KDR: variants seen among roughly 807,000 people sequenced by gnomAD.
The protein encoded by KDR is vascular endothelial growth factor receptor 2.
A neutral mutation model predicts 160.9 loss-of-function variants in KDR; 43 were observed. That is an observed-to-expected ratio of 0.27 (90% CI 0.21 to 0.34). KDR has a LOEUF of 0.34. KDR is among the 10% of genes least tolerant of loss of function. The pLI is 1.00. For synonymous variants in KDR, 617 were observed against 600.1 expected, an observed-to-expected ratio of 1.03 and a Z score of -0.41; for missense variants, 1,469 against 1,666.4, an observed-to-expected ratio of 0.88 and a Z score of 2.06.
At position 55,110,785 on chromosome 4, in the gene KDR, A is replaced by T. The variant is rs777854364; in HGVS notation, c.977-17T>A. The T allele has an allele frequency of 6.3e-7, 1 of 1,584,738 alleles. No homozygotes were observed. The highest frequency in any genetic ancestry group is 8.6e-7 in the Non-Finnish European group (1 of 1,156,934). On this transcript the variant is annotated splice_polypyrimidine_tract_variant and intron_variant, in intron 7 of 29. Coordinates refer to ENST00000263923, the MANE Select transcript of KDR (RefSeq NM_002253.4). ...AAGGTTTTTCTGGAAGAAAATAAAA[A>T]AAAAAAAAGGTCAACTTACTGTAAA...
At position 55,082,572 on chromosome 4, in the gene KDR, G is replaced by T; in HGVS notation, c.3726C>A (p.Ile1242=). Residue 1242 remains isoleucine, a synonymous_variant, in exon 28 of 30, where the codon ATC becomes ATA. Coordinates refer to ENST00000263923, the MANE Select transcript of KDR (RefSeq NM_002253.4). ...RPVSVKTFED[I]PLEEPEVKVI... is the part of the protein sequence containing the mutation. The stretch of plus-strand genomic sequence containing the variant: ...CTTTTACTTCTGGTTCTTCTAACGG[G>T]ATATCTTCAAATGTTTTTACACTCA... 1 of 1,613,658 alleles carries T rather than the reference G, an allele frequency of 6.2e-7. No homozygotes were observed. The highest frequency in any genetic ancestry group is 8.5e-7 in the Non-Finnish European group (1 of 1,179,688).
chr4:55,078,609 T>G lies in KDR; in HGVS notation c.*1332A>C, dbSNP rs1236192768. 4.3e-6 allele frequency: 1 copy of G among 232,638 alleles called. No homozygotes were observed. The highest frequency in any genetic ancestry group is 2.2e-5 in the African/African-American group (1 of 45,324). The allele number at this position is 232,638 out of a possible 1,614,324, so 14.4% of individuals were successfully genotyped here. On this transcript the variant is annotated 3_prime_UTR_variant, in exon 30 of 30. Coordinates refer to ENST00000263923, the MANE Select transcript of KDR (RefSeq NM_002253.4). Reference sequence around the variant, plus strand: ...GTTCATTATATATAAGGCTTTAATATATTACATTTGTTTCTACATAAACAG... The same window carrying G: ...GTTCATTATATATAAGGCTTTAATAGATTACATTTGTTTCTACATAAACAG...
intron 20 of KDR, among the ~76,000 whole-genome samples, chr4:55,095,327 T>C (rs1232790889): frequency 6.6e-6 from 1 of 152,114 alleles, no homozygotes; most frequent in Non-Finnish European, 1.5e-5. Flanking sequence ...GCCCTCCCCT[T>C]TCCTCGCTCA....
intron 13 of KDR, among the ~76,000 whole-genome samples, chr4:55,102,932 T>C (rs754544599): frequency 6.6e-6 from 1 of 152,212 alleles, no homozygotes; most frequent in Non-Finnish European, 1.5e-5. Context: ...TTGGCAATTC[T>C]TATAAAACTT....
At chr4:55,094,144 G>A (rs943971943) in intron 21 of KDR, among the ~76,000 whole-genome samples, 2 of 152,104 alleles carry the variant, frequency 1.3e-5, no homozygotes, top group Admixed American at 1.3e-4. Flanking sequence ...AAAAGGCGAA[G>A]GTTTCAGTGA....
At chr4:55,102,614 T>G in intron 13 of KDR, 106 bp from the exon 14 acceptor site, 1 of 1,220,056 alleles carries the variant, frequency 8.2e-7, no homozygotes. Context: ...AAGGAACTTG[T>G]TGATATATTA....
chr4:55,092,831 A>G, intron 21 of KDR, 117 bp from the exon 22 acceptor site: 1 of 737,512 alleles, frequency 1.4e-6, no homozygotes, highest in Non-Finnish European at 2.4e-6. Flanking sequence ...TAGGAAATAG[A>G]AGCAGAGAGT....
chr4:55,113,321 G>A lies in KDR; in HGVS notation c.959C>T (p.Thr320Ile), dbSNP rs758670911. Residue 320 changes from threonine to isoleucine, a missense_variant, in exon 7 of 30, where the codon ACA becomes ATA. By Grantham distance (89) the Thr-to-Ile change is moderately conservative. Transcript: ENST00000263923. ...TAGCTTACCATGGACCCTGACAAAT[G>A]TGCTGTTCTTCTTGGTCATCAGCCC... ...SSGLMTKKNSTFVRVHEKPFV... is the reference protein window; with the variant it reads ...SSGLMTKKNSIFVRVHEKPFV... 1.4e-5 allele frequency: 22 copies of A among 1,613,898 alleles called. No individual in the cohort carries two copies. The East Asian group carries it at 4.5e-4, about 33-fold the overall frequency.
At chr4:55,118,013 A>T (rs377408098) in intron 3 of KDR, among the ~76,000 whole-genome samples, 30 of 152,338 alleles carry the variant, frequency 2.0e-4, no homozygotes, top group African/African-American at 7.0e-4. Flanking sequence ...AGAAAGATAC[A>T]GCATATCATC....
chr4:55,121,508 C>T (rs1244348922), intron 1 of KDR, among the ~76,000 whole-genome samples: 1 of 152,200 alleles, frequency 6.6e-6, no homozygotes, highest in Non-Finnish European at 1.5e-5. Context: ...GAACCTTCAT[C>T]TGATGATCTC....
rs757722266 is a variant in KDR, at chr4:55,089,799, G to A, written c.3196C>T (p.Arg1066Cys). ...DPDYVRKGDARLPLKWMAPET... is the reference protein window; with the variant it reads ...DPDYVRKGDACLPLKWMAPET... ...GGGGCCATCCATTTCAAAGGGAGGCGAGCCTACAGGGGTAGAAGACAAGGA... is the reference window on the plus strand; with the variant it reads ...GGGGCCATCCATTTCAAAGGGAGGCAAGCCTACAGGGGTAGAAGACAAGGA... Residue 1066 changes from arginine (R) to cysteine (C), a missense_variant, in exon 24 of 30, where the codon CGC (arginine) becomes TGC (cysteine). Coordinates refer to ENST00000263923, the MANE Select transcript of KDR (RefSeq NM_002253.4). 6 of 1,613,450 alleles carry A rather than the reference G, an allele frequency of 3.7e-6. No homozygotes were observed. The highest frequency in any genetic ancestry group is 2.2e-5 in the East Asian group (1 of 44,870).
chr4:55,105,966 G>A, intron 11 of KDR, 26 bp from the exon 12 acceptor site: 1 of 1,465,248 alleles, frequency 6.8e-7, no homozygotes, highest in Non-Finnish European at 9.6e-7. Flanking sequence ...ACAAATCCCA[G>A]GCCATAAACA....
intron 23 of KDR, 69 bp downstream of exon 23, chr4:55,089,887 C>T (rs2110011350): frequency 3.1e-6 from 5 of 1,606,380 alleles, no homozygotes; most frequent in Non-Finnish European, 4.3e-6. Flanking sequence ...AACACAGGTC[C>T]TGAAGCTCTC....
At chr4:55,088,998 A>G (rs1578127840) in intron 25 of KDR, 25 bp from the exon 26 acceptor site, 3 of 1,485,276 alleles carry the variant, frequency 2.0e-6, no homozygotes, top group Non-Finnish European at 2.8e-6. Context: ...CACTGATTTC[A>G]TTAAATGCCT....
At chr4:55,100,954 A>G (rs1165835293) in intron 15 of KDR, among the ~76,000 whole-genome samples, 1 of 152,154 alleles carries the variant, frequency 6.6e-6, no homozygotes, top group Admixed American at 6.5e-5. Context: ...TTCTGCCACA[A>G]ATTACTTTTC....
At position 55,095,643 on chromosome 4, in the gene KDR, T is replaced by C. The variant is rs1169737993; in HGVS notation, c.2751A>G (p.Glu917=). ...TGGACAGGTTTCCAAATTTGCAGAATTCCACAATCACCATGAGTGGCCCTG... is the reference window on the plus strand; with the variant it reads ...TGGACAGGTTTCCAAATTTGCAGAACTCCACAATCACCATGAGTGGCCCTG... ...KPGGPLMVIV[E]FCKFGNLSTY... is the part of the protein sequence containing the mutation. Residue 917 remains glutamate (E), a synonymous_variant, in exon 20 of 30, where the codon GAA becomes GAG. Coordinates refer to ENST00000263923, the MANE Select transcript of KDR (RefSeq NM_002253.4). 1 of 1,613,686 alleles carries C rather than the reference T, an allele frequency of 6.2e-7. No individual in the cohort carries two copies. The highest frequency in any genetic ancestry group is 1.7e-5 in the Admixed American group (1 of 59,998).
At chr4:55,094,771 G>A (rs762204621) in intron 21 of KDR, 31 bp downstream of exon 21, 1 of 1,604,242 alleles carries the variant, frequency 6.2e-7, no homozygotes, top group Non-Finnish European at 8.5e-7. Flanking sequence ...ACAAGAGCAT[G>A]CCATAGCATG....
intron 15 of KDR, among the ~76,000 whole-genome samples, chr4:55,099,169 C>T (rs1720247238): frequency 6.6e-6 from 1 of 152,010 alleles, no homozygotes; most frequent in African/African-American, 2.4e-5. Context: ...GTGCATACCA[C>T]CAAGCCCAGC....
rs371990058 is a variant in KDR, at chr4:55,079,954, G to T, written c.4058C>A (p.Ser1353Tyr). 3.1e-5 allele frequency: 50 copies of T among 1,613,930 alleles called. No homozygotes were observed. The highest frequency in any genetic ancestry group is 3.7e-5 in the Non-Finnish European group (44 of 1,179,918). Residue 1353 changes from serine (S) to tyrosine (Y), a missense_variant, in exon 30 of 30, where the codon TCT (serine) becomes TAT (tyrosine). Coordinates refer to ENST00000263923, the MANE Select transcript of KDR (RefSeq NM_002253.4). Reference protein sequence around the residue: ...LQPDSGTTLSSPPV With the variant: ...LQPDSGTTLSYPPV The stretch of plus-strand genomic sequence containing the variant: ...GGATGCTTCCTTTTAAACAGGAGGA[G>T]AGCTCAGTGTGGTCCCCGAGTCAGG...
Sources: gnomAD v4.1 joint callset for allele counts (sites outside exome capture counted in the v4.1 genomes callset) on GRCh38, gnomAD v4.1.1 for gene constraint, MANE v1.5 for transcripts, NCBI Gene and HGNC (gene_info 2026-07-23, HGNC 2026-07-21) for gene names.